The following AMZ1 variants were observed in gnomAD, a reference collection of about 807,000 sequenced individuals.
AMZ1 encodes archaelysin family metallopeptidase 1, also known as archaemetzincin-1.
AMZ1 carries 39 observed loss-of-function variants against 29.9 expected under a neutral mutation model. The observed-to-expected ratio is 1.30, with a 90% CI of 1.01 to 1.70. The LOEUF is 1.70. Ranked by LOEUF, AMZ1 falls within the 40% of genes most tolerant of loss-of-function variation. The pLI, the probability that AMZ1 is intolerant of heterozygous loss-of-function variation, is 0.00. For synonymous variants in AMZ1, 458 were observed against 304.0 expected (o/e 1.51, Z -5.27); for missense variants, 1,041 against 680.6 (o/e 1.53, Z -5.89).
In AMZ1 at chr7:2,719,016, T is replaced by A. The variant is rs1414610446; in HGVS notation, c.*6138T>A. ...GCTGCAAGAACAGGCGACTTTTTTTTTTTTTTTTCCCCCCCATCTGAAGTG... is the reference window on the plus strand; with the variant it reads ...GCTGCAAGAACAGGCGACTTTTTTTATTTTTTTTCCCCCCCATCTGAAGTG... On this transcript the variant is annotated 3_prime_UTR_variant, in exon 7 of 7. Transcript: ENST00000683327. Among the ~76,000 whole-genome samples the A allele has an allele frequency of 3.0e-5, 3 of 99,232 alleles. No individual in the cohort carries two copies. Among genetic ancestry groups the A allele is most frequent in the African/African-American group, 1.3e-4 (3 of 23,252 alleles). The allele number at this position is 99,232 out of a possible 152,430, so 65.1% of individuals were successfully genotyped here.
At chr7:2,702,356 G>C (rs1788100835) in intron 2 of AMZ1, 1 of 227,182 alleles carries the variant, frequency 4.4e-6, no homozygotes, top group South Asian at 1.1e-4. Context: ...CCCCAGTCAG[G>C]CTGGCATTTT....
In AMZ1 at chr7:2,724,869, C is replaced by T. The variant is rs143002093; in HGVS notation, n.550+15053C>T. On this transcript the variant is annotated intron_variant and non_coding_transcript_variant, in intron 4 of 4. Coordinates refer to the AMZ1 transcript ENST00000489665. ...ACAATGTCCGGGAAGGATTTCCAAA[C>T]GTCAGGGTTAAGCATGGGAGCGATT... Among the ~76,000 whole-genome samples the T allele has an allele frequency of 6.8e-4, 104 of 152,236 alleles. No homozygotes were observed. In the East Asian group the frequency reaches 0.01, roughly 15 times the overall value.
At chr7:2,697,501 G>T (rs933284026) in intron 1 of AMZ1, among the ~76,000 whole-genome samples, 1 of 151,914 alleles carries the variant, frequency 6.6e-6, no homozygotes, top group South Asian at 2.1e-4. Flanking sequence ...ATGGCTCACT[G>T]CAGCCTTGAC....
chr7:2,700,631 C>T lies in AMZ1; in HGVS notation c.180C>T (p.Ile60=). The change falls in exon 2 of 7, where the codon ATC becomes ATT. Residue 60 remains isoleucine, a synonymous_variant. Coordinates refer to ENST00000683327, the MANE Select transcript of AMZ1 (RefSeq NM_001384743.1). ...GGACGCTCTTCTGCACCCTGCTCAT[C>T]CGCACGGGCTTCGACTGGCTCCTGA... ...PQRTLFCTLL[I]RTGFDWLLSR... 2 of 1,611,582 alleles carry T rather than the reference C, an allele frequency of 1.2e-6. No individual in the cohort carries two copies. The highest frequency in any genetic ancestry group is 1.3e-5 in the African/African-American group (1 of 75,068).
At chr7:2,682,928 C>A (rs940044749) in intron 1 of AMZ1, among the ~76,000 whole-genome samples, 1 of 152,210 alleles carries the variant, frequency 6.6e-6, no homozygotes, top group African/African-American at 2.4e-5. Flanking sequence ...TCTTGCTGTG[C>A]GGTGAAGCCA....
chr7:2,733,701 T>C (rs1790016215), intron 4 of AMZ1, among the ~76,000 whole-genome samples: 1 of 152,260 alleles, frequency 6.6e-6, no homozygotes, highest in African/African-American at 2.4e-5. Context: ...GCAGGTTCTT[T>C]AGCTCCAACC....
intron 4 of AMZ1, among the ~76,000 whole-genome samples, chr7:2,733,102 C>G (rs1789983194): frequency 6.6e-6 from 1 of 152,210 alleles, no homozygotes; most frequent in Admixed American, 6.5e-5. Context: ...GCTGCTGAAA[C>G]AAGACTGGTA....
chr7:2,759,375 C>A (rs961132673), intron 4 of AMZ1, among the ~76,000 whole-genome samples: 1 of 152,162 alleles, frequency 6.6e-6, no homozygotes, highest in East Asian at 1.9e-4. Context: ...AGGGCCTCCC[C>A]CATATCACCT....
At chr7:2,751,907 CCTCA>C (rs1791059157) in intron 4 of AMZ1, among the ~76,000 whole-genome samples, 1 of 152,182 alleles carries the variant, frequency 6.6e-6, no homozygotes, top group African/African-American at 2.4e-5. Flanking sequence ...GCCTAGATGA[CCTCA>C]CTATCAAACA....
chr7:2,755,181 C>G (rs990344842), intron 4 of AMZ1, among the ~76,000 whole-genome samples: 3 of 152,180 alleles, frequency 2.0e-5, no homozygotes, highest in Admixed American at 6.5e-5. Flanking sequence ...AGACAACAGG[C>G]CTTGGAATCA....
At chr7:2,761,121 G>C (rs971297653), upstream of AMZ1, among the ~76,000 whole-genome samples, 2 of 152,294 alleles carry the variant, frequency 1.3e-5, no homozygotes, top group Non-Finnish European at 2.9e-5. Context: ...TCGGCTGTGG[G>C]GCTCCTCTTA....
chr7:2,760,656 T>C (rs1249564188), upstream of AMZ1, among the ~76,000 whole-genome samples: 2 of 152,186 alleles, frequency 1.3e-5, no homozygotes, highest in Non-Finnish European at 2.9e-5. Flanking sequence ...TCACTGTCCC[T>C]TTAAACCTTC....
chr7:2,763,885 A>G (rs147880908), upstream of AMZ1, among the ~76,000 whole-genome samples: 89 of 152,282 alleles, frequency 5.8e-4, no homozygotes, highest in African/African-American at 2.0e-3. Context: ...ACGGAGAGAG[A>G]AGGAGCTCAG....
At chr7:2,691,838 T>A (rs1007513503) in intron 1 of AMZ1, among the ~76,000 whole-genome samples, 2 of 152,068 alleles carry the variant, frequency 1.3e-5, no homozygotes, top group African/African-American at 2.4e-5. Flanking sequence ...TATTGCTATC[T>A]GTTTTACCAT....
chr7:2,680,315 T>C (rs1248053968), intron 1 of AMZ1, among the ~76,000 whole-genome samples: 1 of 152,104 alleles, frequency 6.6e-6, no homozygotes, highest in African/African-American at 2.4e-5. Flanking sequence ...GGGACCTGCC[T>C]GGGTCTCCGG....
chr7:2,709,082 C>A lies in AMZ1; in HGVS notation c.609C>A (p.Gly203=). 1.3e-6 allele frequency: 2 copies of A among 1,590,116 alleles called. No homozygotes were observed. The highest frequency in any genetic ancestry group is 1.1e-5 in the South Asian group (1 of 87,938). The part of the protein sequence containing the change: ...FSKFLPGHEV[G]VCSFARFSGE... The stretch of plus-strand genomic sequence containing the variant: ...CTCTCCATCTCTCTCCAGAAGTGGG[C>A]GTCTGCAGCTTCGCCCGGTTCTCAG... Residue 203 remains glycine, a synonymous_variant, in exon 5 of 7, where the codon GGC becomes GGA. Coordinates refer to ENST00000683327, the MANE Select transcript of AMZ1 (RefSeq NM_001384743.1).
In AMZ1 at chr7:2,709,097, C is replaced by T; in HGVS notation, c.624C>T (p.Ala208=). The T allele has an allele frequency of 1.9e-6, 3 of 1,598,990 alleles. No homozygotes were observed. The highest frequency in any genetic ancestry group is 2.6e-6 in the Non-Finnish European group (3 of 1,172,582). ...CAGAAGTGGGCGTCTGCAGCTTCGC[C>T]CGGTTCTCAGGGGAATTCCCGAAGT... The part of the protein sequence containing the change: ...PGHEVGVCSF[A]RFSGEFPKSG... Residue 208 remains alanine (A), a synonymous_variant, in exon 5 of 7, where the codon GCC becomes GCT. Transcript: ENST00000683327.
chr7:2,720,970 C>G (rs769311921), downstream of AMZ1, among the ~76,000 whole-genome samples: 5 of 152,218 alleles, frequency 3.3e-5, no homozygotes, highest in Non-Finnish European at 5.9e-5. Context: ...TGAGTCACCA[C>G]GCCCAGCCCG....
intron 4 of AMZ1, among the ~76,000 whole-genome samples, chr7:2,747,396 T>C (rs1019703958): frequency 6.6e-6 from 1 of 152,172 alleles, no homozygotes; most frequent in African/African-American, 2.4e-5. Flanking sequence ...TAATCCAGTA[T>C]ATAAACAGAA....
Sources: gnomAD v4.1 joint callset for allele counts (sites outside exome capture counted in the v4.1 genomes callset) on GRCh38, gnomAD v4.1.1 for gene constraint, MANE v1.5 for transcripts, NCBI Gene and HGNC (gene_info 2026-07-23, HGNC 2026-07-21) for gene names.